Variants in NEIL3 observed in about 807,000 individuals in gnomAD.
NEIL3 encodes the protein endonuclease 8-like 3.
A neutral mutation model predicts 57.5 loss-of-function variants in NEIL3; 48 were observed. That is an observed-to-expected ratio of 0.83 (90% CI 0.66 to 1.06). The LOEUF is 1.06. NEIL3 is among the 50% of genes least tolerant of loss of function. NEIL3 has a pLI of 0.00. For missense variants in NEIL3, 717 were observed against 739.1 expected (o/e 0.97, Z 0.35); for synonymous variants, 261 against 253.2 (o/e 1.03, Z -0.29).
Position 177,362,355 on chromosome 4 carries a change from A to G in NEIL3, c.1702A>G (p.Ile568Val), listed in dbSNP as rs1244450190. The change falls in exon 10 of 10, where the codon ATT (isoleucine) becomes GTT (valine). Residue 568 changes from isoleucine (I) to valine (V), a missense_variant. By Grantham distance (29) the Ile-to-Val change is conservative. Coordinates refer to ENST00000264596, the MANE Select transcript of NEIL3 (RefSeq NM_018248.3). ...TTCCACCATGAAAACAGTATTGAAG[A>G]TTGGACCTAACAATGGAAAGAATTT... ...KRSTMKTVLKIGPNNGKNFFV... is the reference protein window; with the variant it reads ...KRSTMKTVLKVGPNNGKNFFV... The G allele has an allele frequency of 1.2e-6, 2 of 1,613,434 alleles. No individual in the cohort carries two copies. The highest frequency in any genetic ancestry group is 2.2e-5 in the East Asian group (1 of 44,826).
intron 2 of NEIL3, among the ~76,000 whole-genome samples, chr4:177,326,246 G>C (rs12642885): frequency 1.3e-5 from 2 of 151,872 alleles, no homozygotes; most frequent in Non-Finnish European, 2.9e-5. Flanking sequence ...GCAGGAGCTG[G>C]ACTTTGTCTT....
downstream of NEIL3, among the ~76,000 whole-genome samples, chr4:177,363,772 A>G (rs1292050996): frequency 1.3e-5 from 2 of 151,992 alleles, no homozygotes; most frequent in African/African-American, 4.8e-5. Flanking sequence ...TTTTTTTGAG[A>G]CAGGGTCTCA....
At chr4:177,313,631 A>G (rs1578984254) in intron 1 of NEIL3, among the ~76,000 whole-genome samples, 1 of 152,338 alleles carries the variant, frequency 6.6e-6, no homozygotes, top group East Asian at 1.9e-4. Context: ...TAGTGAAATC[A>G]TATTTAATCT....
At chr4:177,360,765 T>A (rs35213813) in intron 9 of NEIL3, 88 bp downstream of exon 9, 1 of 1,001,192 alleles carries the variant, frequency 1.0e-6, no homozygotes, top group East Asian at 2.7e-5. Flanking sequence ...TTCCTAGTTT[T>A]ACCTTTTACC....
downstream of NEIL3, among the ~76,000 whole-genome samples, chr4:177,365,325 A>AGCT (rs1270628009): frequency 6.6e-6 from 1 of 152,188 alleles, no homozygotes; most frequent in African/African-American, 2.4e-5. Flanking sequence ...TGGTGCCCTG[A>AGCT]GCTGCCAGGA....
chr4:177,365,467 GA>G (rs1349519692), downstream of NEIL3, among the ~76,000 whole-genome samples: 1 of 152,108 alleles, frequency 6.6e-6, no homozygotes, highest in Non-Finnish European at 1.5e-5. Context: ...AACACAATAT[GA>G]AACATTTGCA....
intron 8 of NEIL3, 22 bp downstream of exon 8, chr4:177,353,750 T>G (rs1735414575): frequency 6.4e-7 from 1 of 1,567,218 alleles, no homozygotes; most frequent in Non-Finnish European, 8.6e-7. Context: ...TTAACCTTGG[T>G]CTTTAAGATA....
Position 177,310,125 on chromosome 4 carries a change from A to G in NEIL3, c.156+16A>G. ...CTCCCCGCAGGTGAGCTACTCCTGTAACAGGCCATGCAGTCAGCAGGGGGG... is the reference window on the plus strand; with the variant it reads ...CTCCCCGCAGGTGAGCTACTCCTGTGACAGGCCATGCAGTCAGCAGGGGGG... On this transcript the variant is annotated intron_variant, in intron 1 of 9. Transcript: ENST00000264596. 1.3e-6 allele frequency: 2 copies of G among 1,552,230 alleles called. No individual in the cohort carries two copies. Among genetic ancestry groups the G allele is most frequent in the Non-Finnish European group, 1.7e-6 (2 of 1,155,558 alleles).
intron 1 of NEIL3, among the ~76,000 whole-genome samples, chr4:177,315,625 G>C (rs17064610): frequency 0.016 from 2,456 of 152,250 alleles, 72 homozygotes; most frequent in African/African-American, 0.055. Flanking sequence ...TAGGACAAGT[G>C]AATATCTTAT....
intron 2 of NEIL3, among the ~76,000 whole-genome samples, chr4:177,335,408 G>A (rs1473347122): frequency 2.0e-5 from 3 of 152,076 alleles, no homozygotes; most frequent in Non-Finnish European, 4.4e-5. Context: ...GAGCAGGGGT[G>A]TATTTTTTTG....
In NEIL3 at chr4:177,353,487, A is replaced by T; in HGVS notation, c.1219A>T (p.Lys407Ter). The T allele has an allele frequency of 6.2e-7, 1 of 1,613,992 alleles. No individual in the cohort carries two copies. Among genetic ancestry groups the T allele is most frequent in the Non-Finnish European group, 8.5e-7 (1 of 1,179,970 alleles). Residue 407 changes from lysine to a stop codon, truncating the protein, a stop_gained, in exon 8 of 10, where the codon AAG (lysine) becomes TAG (stop). Transcript: ENST00000264596. LOFTEE classifies it high-confidence loss of function. ...ATCCAGTACTTTGGAAAGAAAAACA[A>T]AGCAAAACCAGATACTAGATGAGGA... is the stretch of plus-strand genomic sequence containing the variant. ...NKSSTLERKT[K>*]QNQILDEEFQ...
chr4:177,332,287 C>T (rs1448359442), intron 2 of NEIL3, among the ~76,000 whole-genome samples: 1 of 152,128 alleles, frequency 6.6e-6, no homozygotes, highest in Non-Finnish European at 1.5e-5. Flanking sequence ...GTGCCAAAGC[C>T]GATTTTCTGT....
chr4:177,347,409 G>A (rs1162795335), intron 6 of NEIL3, among the ~76,000 whole-genome samples: 1 of 152,172 alleles, frequency 6.6e-6, no homozygotes, highest in Non-Finnish European at 1.5e-5. Flanking sequence ...AGCCTTTGGA[G>A]GGTTTTGAAC....
intron 1 of NEIL3, among the ~76,000 whole-genome samples, chr4:177,314,753 C>T (rs895635186): frequency 6.6e-6 from 1 of 151,972 alleles, no homozygotes; most frequent in Admixed American, 6.6e-5. Context: ...TTGATGACTT[C>T]GATTGGTATT....
intron 1 of NEIL3, among the ~76,000 whole-genome samples, chr4:177,311,196 G>A (rs1734469328): frequency 6.6e-6 from 1 of 152,022 alleles, no homozygotes; most frequent in South Asian, 2.1e-4. Flanking sequence ...GAATACTCAA[G>A]ACACCTGGGG....
chr4:177,323,500 T>C (rs1476227489), intron 2 of NEIL3, among the ~76,000 whole-genome samples: 1 of 152,222 alleles, frequency 6.6e-6, no homozygotes, highest in Non-Finnish European at 1.5e-5. Flanking sequence ...TTTATGTAAT[T>C]GCTTTTCCTT....
chr4:177,343,012 G>C (rs993511077), intron 6 of NEIL3: 27 of 152,346 alleles, frequency 1.8e-4, no homozygotes, highest in African/African-American at 6.0e-4. Context: ...TAAAGAAGCT[G>C]GTGCAGAGTA....
downstream of NEIL3, among the ~76,000 whole-genome samples, chr4:177,365,531 C>G (rs62345465): frequency 0.03 from 4,567 of 152,208 alleles, 99 homozygotes; most frequent in Non-Finnish European, 0.043. Flanking sequence ...ATCAGTCCCT[C>G]CAAAATTTGG....
intron 1 of NEIL3, among the ~76,000 whole-genome samples, chr4:177,321,853 TC>T (rs33920092): frequency 0.12 from 18,404 of 152,222 alleles, 1,203 homozygotes; most frequent in Middle Eastern, 0.21. Context: ...TTCCTTAGTT[TC>T]ATGTGAAAAT....
Sources: gnomAD v4.1 joint callset for allele counts (sites outside exome capture counted in the v4.1 genomes callset) on GRCh38, gnomAD v4.1.1 for gene constraint, MANE v1.5 for transcripts, NCBI Gene and HGNC (gene_info 2026-07-23, HGNC 2026-07-21) for gene names.